MACROD2: variants seen among roughly 807,000 people sequenced by gnomAD.
The protein encoded by MACROD2 is mono-ADP ribosylhydrolase 2.
In MACROD2, 36 loss-of-function variants were observed where a neutral mutation model predicts 70.4. That is an observed-to-expected ratio of 0.51 (90% CI 0.39 to 0.68). MACROD2 has a LOEUF of 0.68. Ranked by LOEUF, MACROD2 falls within the 30% of genes least tolerant of loss-of-function variation. MACROD2 has a pLI of 0.00. For missense variants in MACROD2, 496 were observed against 538.4 expected (o/e 0.92, Z 0.78); for synonymous variants, 172 against 178.8 (o/e 0.96, Z 0.30).
At chr20:14,875,760 A>G (rs1354040111) in intron 5 of MACROD2, among the ~76,000 whole-genome samples, 1 of 152,064 alleles carries the variant, frequency 6.6e-6, no homozygotes, top group Non-Finnish European at 1.5e-5. Context: ...TCTTGTGTTC[A>G]TTCACTTAGG....
rs775056693 is a variant in MACROD2 at position 15,677,660 on chromosome 20, AAACC to A, written c.645+177856_645+177859del. Among the ~76,000 whole-genome samples the A allele has an allele frequency of 1.2e-3, 166 of 133,464 alleles. 1 individual carries two copies. In the Middle Eastern group the frequency reaches 0.014, roughly 12 times the overall value. The allele number at this position is 133,464 out of a possible 152,430, so 87.6% of individuals were successfully genotyped here. ...GGCACTTCAAACCCAACCCTCAGGA[AAACC>A]AACCAACCAACCAACCAACCAACCA... On this transcript the variant is annotated intron_variant, in intron 8 of 17. Transcript: ENST00000684519.
rs570135675 is a variant in MACROD2 at position 14,156,547 on chromosome 20, C to A, written c.271+70819C>A. Among the ~76,000 whole-genome samples the A allele has an allele frequency of 1.1e-4, 17 of 152,268 alleles. No homozygotes were observed. The South Asian group carries it at 3.3e-3, about 30-fold the overall frequency. ...TGAGTTCCCATTACATTTTCATCGT[C>A]AGTGGCAAGCCAGATTAATTTATAG... is the stretch of plus-strand genomic sequence containing the variant. On this transcript the variant is annotated intron_variant, in intron 3 of 17. Transcript: ENST00000684519.
chr20:15,542,929 G>A (rs918619208), intron 8 of MACROD2, among the ~76,000 whole-genome samples: 8 of 152,140 alleles, frequency 5.3e-5, no homozygotes, highest in African/African-American at 1.4e-4. Context: ...TGGCTCTTCC[G>A]AGTCTACCCC....
chr20:15,872,118 G>C (rs564029045), intron 9 of MACROD2, among the ~76,000 whole-genome samples: 1 of 152,280 alleles, frequency 6.6e-6, no homozygotes, highest in East Asian at 1.9e-4. Flanking sequence ...GAAGCTACTT[G>C]TCTGCTAAAA....
intron 5 of MACROD2, among the ~76,000 whole-genome samples, chr20:15,052,816 G>A (rs1414811327): frequency 6.6e-6 from 1 of 152,244 alleles, no homozygotes; most frequent in East Asian, 1.9e-4. Flanking sequence ...AGCAGAGACA[G>A]CCAAATGCTA....
chr20:15,031,374 C>T (rs1156431416), intron 5 of MACROD2, among the ~76,000 whole-genome samples: 2 of 152,180 alleles, frequency 1.3e-5, no homozygotes, highest in Non-Finnish European at 2.9e-5. Flanking sequence ...TGTTACAACT[C>T]TTTCAGTCCT....
At chr20:15,798,284 G>T in intron 8 of MACROD2, among the ~76,000 whole-genome samples, 1 of 152,110 alleles carries the variant, frequency 6.6e-6, no homozygotes, top group East Asian at 1.9e-4. Flanking sequence ...CCTGTGATTG[G>T]GTGCTTGGGG....
chr20:14,348,658 C>T lies in MACROD2; in HGVS notation c.272-144821C>T, dbSNP rs889021891. On this transcript the variant is annotated intron_variant, in intron 3 of 17. Coordinates refer to ENST00000684519, the MANE Select transcript of MACROD2 (RefSeq NM_001351661.2). ...ATGTACCCTAATTCTATTTTTTCTC[C>T]TCAGTATCTTTAATATGTGATGCTT... 4.6e-5 allele frequency among the ~76,000 whole-genome samples: 7 copies of T among 152,088 alleles called. No homozygotes were observed. The South Asian group carries it at 6.2e-4, about 14-fold the overall frequency.
intron 5 of MACROD2, among the ~76,000 whole-genome samples, chr20:14,828,306 A>G (rs1363935977): frequency 1.3e-5 from 2 of 152,162 alleles, no homozygotes; most frequent in African/African-American, 4.8e-5. Context: ...ATTCCTGTAT[A>G]TACAACTTCT....
rs190208529 is a variant in MACROD2, at chr20:15,049,540, A to G, written c.419-180400A>G. Among the ~76,000 whole-genome samples, 779 of 152,336 alleles carry G rather than the reference A, an allele frequency of 5.1e-3. 12 individuals are homozygous for G. The highest frequency in any genetic ancestry group is 0.018 in the African/African-American group (740 of 41,580). ...AAATCAGAAACTTTATTTTTAATGCATAAGCCAAATTACATTTGTTATTTG... is the reference window on the plus strand; with the variant it reads ...AAATCAGAAACTTTATTTTTAATGCGTAAGCCAAATTACATTTGTTATTTG... On this transcript the variant is annotated intron_variant, in intron 5 of 17. Transcript: ENST00000684519.
intron 2 of MACROD2, among the ~76,000 whole-genome samples, chr20:14,044,612 C>G (rs940838352): frequency 2.6e-5 from 4 of 152,122 alleles, no homozygotes; most frequent in South Asian, 2.1e-4. Flanking sequence ...AAGTTCTCCA[C>G]GTCCCCACTA....
chr20:14,834,457 TAG>T (rs1167485625), intron 5 of MACROD2, among the ~76,000 whole-genome samples: 1 of 151,898 alleles, frequency 6.6e-6, no homozygotes, highest in East Asian at 1.9e-4. Context: ...GATTGATCCG[TAG>T]TGGTATAAAT....
At chr20:14,221,167 T>C (rs1194748366) in intron 3 of MACROD2, among the ~76,000 whole-genome samples, 1 of 152,260 alleles carries the variant, frequency 6.6e-6, no homozygotes. Context: ...TTCTTTATTC[T>C]TTGCATCCTT....
chr20:15,324,935 G>A (rs886768658), intron 6 of MACROD2, among the ~76,000 whole-genome samples: 1 of 150,928 alleles, frequency 6.6e-6, no homozygotes, highest in South Asian at 2.1e-4. Context: ...TATTAAAACT[G>A]TTTTTAAAGA....
chr20:15,658,145 A>G (rs2049759865), intron 8 of MACROD2, among the ~76,000 whole-genome samples: 1 of 149,262 alleles, frequency 6.7e-6, no homozygotes, highest in Non-Finnish European at 1.5e-5. Flanking sequence ...ATTAATAATT[A>G]AAAACAGTAA....
intron 4 of MACROD2, among the ~76,000 whole-genome samples, chr20:14,557,010 T>C (rs1391780145): frequency 6.6e-6 from 1 of 152,016 alleles, no homozygotes; most frequent in Non-Finnish European, 1.5e-5. Context: ...AACATGGGGC[T>C]GGCCTAAGGA....
At chr20:16,018,438 A>T (rs1380459503) in intron 15 of MACROD2, among the ~76,000 whole-genome samples, 1 of 151,458 alleles carries the variant, frequency 6.6e-6, no homozygotes, top group Non-Finnish European at 1.5e-5. Context: ...AATGTTCCCC[A>T]TTCTCTCTCT....
At chr20:14,063,034 C>T (rs2053707922) in intron 2 of MACROD2, among the ~76,000 whole-genome samples, 1 of 152,116 alleles carries the variant, frequency 6.6e-6, no homozygotes, top group Non-Finnish European at 1.5e-5. Context: ...GTGACTCAGT[C>T]ATTCTACTTT....
At chr20:15,453,464 TA>T (rs1320227061) in intron 7 of MACROD2, among the ~76,000 whole-genome samples, 1 of 152,208 alleles carries the variant, frequency 6.6e-6, no homozygotes, top group Non-Finnish European at 1.5e-5. Flanking sequence ...CAGTTCAGGT[TA>T]AAACGCTTGT....
Sources: allele counts gnomAD v4.1 joint callset (sites outside exome capture counted in the v4.1 genomes callset), GRCh38; gene constraint gnomAD v4.1.1; transcripts MANE v1.5; gene names NCBI Gene and HGNC (gene_info 2026-07-23, HGNC 2026-07-21).